The following SLC39A11 variants were observed in gnomAD, a reference collection of about 807,000 sequenced individuals.
SLC39A11 encodes the protein zinc transporter ZIP11.
A neutral mutation model predicts 36.1 loss-of-function variants in SLC39A11; 33 were observed. The observed-to-expected ratio is 0.91, with a 90% CI of 0.69 to 1.22. The LOEUF is 1.22. Among genes scored for constraint, SLC39A11 ranks in the 50% most tolerant of loss-of-function variants. The probability of loss-of-function intolerance (pLI) is 0.00; values close to 1 mark genes in which losing one functional copy is unlikely to be tolerated. For missense variants in SLC39A11, 432 were observed against 430.3 expected (o/e 1.00, Z -0.03); for synonymous variants, 166 against 170.3 (o/e 0.97, Z 0.20).
intron 4 of SLC39A11, among the ~76,000 whole-genome samples, chr17:72,988,415 C>T (rs1335274044): frequency 1.3e-5 from 2 of 152,158 alleles, no homozygotes; most frequent in South Asian, 4.1e-4. Flanking sequence ...CAGACAAGAT[C>T]ACACCACTGC....
intron 4 of SLC39A11, among the ~76,000 whole-genome samples, chr17:72,952,944 T>C (rs769864084): frequency 6.6e-6 from 1 of 152,182 alleles, no homozygotes; most frequent in Admixed American, 6.5e-5. Flanking sequence ...GTGTGCTGTG[T>C]CACCTTGCAG....
chr17:73,004,167 G>GAA (rs1167396891), intron 4 of SLC39A11, among the ~76,000 whole-genome samples: 15 of 43,990 alleles, frequency 3.4e-4, no homozygotes, highest in African/African-American at 1.3e-3. Context: ...AGGAAAAAAA[G>GAA]AAAGAAAGAA....
intron 5 of SLC39A11, among the ~76,000 whole-genome samples, chr17:72,875,444 G>A (rs1009751881): frequency 2.6e-5 from 4 of 152,130 alleles, no homozygotes; most frequent in African/African-American, 9.7e-5. Flanking sequence ...GGAAGCCAGC[G>A]GGATTCTGGA....
intron 6 of SLC39A11, among the ~76,000 whole-genome samples, chr17:72,769,398 T>C (rs1447977513): frequency 1.3e-5 from 2 of 152,168 alleles, no homozygotes; most frequent in Non-Finnish European, 2.9e-5. Flanking sequence ...TGAAACATGC[T>C]ACAACATGGA....
chr17:72,817,319 G>T (rs1197999870), intron 6 of SLC39A11, among the ~76,000 whole-genome samples: 1 of 141,510 alleles, frequency 7.1e-6, no homozygotes, highest in African/African-American at 2.6e-5. Flanking sequence ...AGAAAAGAAG[G>T]GAGGGAGGGA....
chr17:73,024,864 ATTTTTTTTT>A (rs1163840820), intron 4 of SLC39A11, among the ~76,000 whole-genome samples: 6 of 97,900 alleles, frequency 6.1e-5, no homozygotes, highest in Admixed American at 2.7e-4. Context: ...TGCCCAGCTA[ATTTTTTTTT>A]TTTTTTTTTT....
intron 6 of SLC39A11, among the ~76,000 whole-genome samples, chr17:72,744,514 C>A (rs1056223685): frequency 3.3e-5 from 5 of 152,142 alleles, no homozygotes; most frequent in African/African-American, 1.2e-4. Context: ...CAAGTGTTTT[C>A]TTTTTCAATG....
chr17:72,857,903 A>C (rs1172025996), intron 5 of SLC39A11, among the ~76,000 whole-genome samples: 1 of 152,052 alleles, frequency 6.6e-6, no homozygotes, highest in East Asian at 1.9e-4. Flanking sequence ...AGTTTGCAAA[A>C]ATTTTCTCCC....
chr17:72,773,818 A>G (rs1022880393), intron 6 of SLC39A11, among the ~76,000 whole-genome samples: 12 of 152,334 alleles, frequency 7.9e-5, no homozygotes, highest in African/African-American at 2.6e-4. Context: ...CTGTAGACCT[A>G]GAAAAAAATA....
intron 6 of SLC39A11, among the ~76,000 whole-genome samples, chr17:72,805,077 A>G (rs1412006498): frequency 6.6e-6 from 1 of 152,142 alleles, no homozygotes; most frequent in Admixed American, 6.5e-5. Flanking sequence ...CTATTCTATG[A>G]CACATGGATG....
rs1250172660 is a variant in SLC39A11, at chr17:73,063,067, C to T, written c.147+21741G>A. On this transcript the variant is annotated intron_variant, in intron 3 of 9. Transcript: ENST00000255559. ...GGTTGGGGGCCCCTGCTTGAGGAGA[C>T]ATCCCTGTCAAAATCTCTAGTGACA... Among the ~76,000 whole-genome samples, 13 of 152,246 alleles carry T rather than the reference C, an allele frequency of 8.5e-5. No homozygotes were observed. The East Asian group carries it at 2.5e-3, about 29-fold the overall frequency.
chr17:72,651,568 G>A (rs775646706), intron 7 of SLC39A11, among the ~76,000 whole-genome samples: 5 of 152,198 alleles, frequency 3.3e-5, no homozygotes, highest in East Asian at 1.9e-4. Flanking sequence ...TGAGCACCCC[G>A]TGGCAGGGAT....
At chr17:73,075,463 T>A (rs2060288733) in intron 3 of SLC39A11, among the ~76,000 whole-genome samples, 2 of 152,334 alleles carry the variant, frequency 1.3e-5, no homozygotes, top group South Asian at 4.1e-4. Flanking sequence ...CCCAGACTTG[T>A]TTCTTGTCTG....
At chr17:72,836,230 T>G (rs2145790463) in intron 6 of SLC39A11, among the ~76,000 whole-genome samples, 1 of 152,240 alleles carries the variant, frequency 6.6e-6, no homozygotes, top group Non-Finnish European at 1.5e-5. Context: ...TAACTCTCTC[T>G]GAAAAACAGT....
intron 5 of SLC39A11, among the ~76,000 whole-genome samples, chr17:72,872,765 T>G (rs1258742713): frequency 1.3e-5 from 2 of 152,070 alleles, no homozygotes; most frequent in East Asian, 3.9e-4. Flanking sequence ...AGGTTAGAAT[T>G]ATGGTTCAGG....
At chr17:72,902,464 T>C (rs2082443919) in intron 5 of SLC39A11, among the ~76,000 whole-genome samples, 1 of 152,182 alleles carries the variant, frequency 6.6e-6, no homozygotes, top group Non-Finnish European at 1.5e-5. Flanking sequence ...TGGGTGGCCC[T>C]ACTGACGCCA....
At chr17:73,085,299 G>C (rs2060688052) in intron 2 of SLC39A11, among the ~76,000 whole-genome samples, 1 of 151,940 alleles carries the variant, frequency 6.6e-6, no homozygotes, top group Non-Finnish European at 1.5e-5. Context: ...CTGAGGTCAG[G>C]AGTTCAAGAC....
At chr17:72,773,680 C>CGT (rs2076034196) in intron 6 of SLC39A11, among the ~76,000 whole-genome samples, 1 of 150,030 alleles carries the variant, frequency 6.7e-6, no homozygotes, top group African/African-American at 2.5e-5. Flanking sequence ...CACACACACC[C>CGT]AGTATATAAA....
At chr17:72,875,186 T>C (rs1241212110) in intron 5 of SLC39A11, among the ~76,000 whole-genome samples, 2 of 152,186 alleles carry the variant, frequency 1.3e-5, no homozygotes, top group Non-Finnish European at 2.9e-5. Context: ...TGTAAGGAAG[T>C]GAGCTGTGTA....
Sources: gnomAD v4.1 joint callset for allele counts (sites outside exome capture counted in the v4.1 genomes callset) on GRCh38, gnomAD v4.1.1 for gene constraint, MANE v1.5 for transcripts, NCBI Gene and HGNC (gene_info 2026-07-23, HGNC 2026-07-21) for gene names.